Variants in NOX4 observed in about 807,000 individuals in gnomAD.
NOX4 encodes the protein NADPH oxidase 4.
Under a neutral mutation model 87.6 loss-of-function variants are expected in NOX4, and 69 were observed. That is an observed-to-expected ratio of 0.79 (90% CI 0.65 to 0.96). The LOEUF (loss-of-function observed/expected upper bound fraction) is 0.96, where lower values mean the gene tolerates loss of function less well. Among genes scored for constraint, NOX4 ranks in the 40% least tolerant of loss-of-function variants. The pLI, the probability that NOX4 is intolerant of heterozygous loss-of-function variation, is 0.00. For missense variants in NOX4, 680 were observed against 681.5 expected, an observed-to-expected ratio of 1.00 and a Z score of 0.02; for synonymous variants, 275 against 238.2, an observed-to-expected ratio of 1.15 and a Z score of -1.42.
chr11:89,489,280 C>T (rs759443741), intron 2 of NOX4, among the ~76,000 whole-genome samples: 12 of 151,598 alleles, frequency 7.9e-5, no homozygotes, highest in Admixed American at 2.0e-4. Flanking sequence ...TGTCTGAGCT[C>T]GTCTTAATTT....
the NOX4 span, among the ~76,000 whole-genome samples, chr11:89,585,098 CATT>C: frequency 1.3e-5 from 2 of 152,120 alleles, no homozygotes; most frequent in African/African-American, 2.4e-5. Context: ...TCACCTGAGG[CATT>C]AGCTTACACC....
chr11:89,584,101 C>T, the NOX4 span, among the ~76,000 whole-genome samples: 3 of 152,106 alleles, frequency 2.0e-5, no homozygotes, highest in African/African-American at 7.2e-5. Context: ...AATTCCTACT[C>T]ATTCTTCTTA....
chr11:89,490,228 C>T (rs1946796400), intron 2 of NOX4, among the ~76,000 whole-genome samples: 1 of 152,182 alleles, frequency 6.6e-6, no homozygotes, highest in Non-Finnish European at 1.5e-5. Context: ...CTGGCAGGTT[C>T]ATTCGTTTCA....
At chr11:89,369,135 A>C (rs1011974449) in intron 12 of NOX4, among the ~76,000 whole-genome samples, 1 of 152,078 alleles carries the variant, frequency 6.6e-6, no homozygotes, top group Non-Finnish European at 1.5e-5. Flanking sequence ...AACCTTGTGT[A>C]ACAGTGCAGA....
At chr11:89,525,337 G>A in the NOX4 span, among the ~76,000 whole-genome samples, 1 of 151,984 alleles carries the variant, frequency 6.6e-6, no homozygotes, top group Non-Finnish European at 1.5e-5. Context: ...AATTTCAGGA[G>A]TAGTGAATAA....
the NOX4 span, among the ~76,000 whole-genome samples, chr11:89,552,059 G>A: frequency 1.8e-3 from 277 of 152,098 alleles, 2 homozygotes; most frequent in African/African-American, 6.2e-3. Context: ...CATGAGTAAC[G>A]CATTCTACTT....
At chr11:89,347,334 T>C (rs1946259453) in intron 13 of NOX4, among the ~76,000 whole-genome samples, 1 of 152,184 alleles carries the variant, frequency 6.6e-6, no homozygotes, top group African/African-American at 2.4e-5. Flanking sequence ...GCAGCCCACA[T>C]GGCAGAGCCT....
chr11:89,571,700 A>T, the NOX4 span, among the ~76,000 whole-genome samples: 4 of 151,946 alleles, frequency 2.6e-5, no homozygotes, highest in Non-Finnish European at 5.9e-5. Context: ...TGAAAAAAAA[A>T]AAAATAAACC....
intron 12 of NOX4, among the ~76,000 whole-genome samples, chr11:89,368,437 G>A (rs553403204): frequency 6.6e-6 from 1 of 152,130 alleles, no homozygotes; most frequent in East Asian, 1.9e-4. Context: ...CAAGATCAAG[G>A]CACCAGCAGC....
rs144113376 is a variant in NOX4, at chr11:89,373,277, CAAA to C, written c.1135+152_1135+154del. ...AACACAGATGTCAAAACTGTACAAG[CAAA>C]AAAAAAAAAAAAAAAAAACAAAAAA... On this transcript the variant is annotated intron_variant, in intron 12 of 17. Coordinates refer to ENST00000263317, the MANE Select transcript of NOX4 (RefSeq NM_016931.5). Among the ~76,000 whole-genome samples the C allele has an allele frequency of 8.8e-3, 523 of 59,118 alleles. 2 individuals carry two copies. Among genetic ancestry groups the C allele is most frequent in the African/African-American group, 0.026 (499 of 19,356 alleles). 38.8% of individuals were successfully genotyped at this position (59,118 alleles called of 152,430 possible). A position where few individuals can be genotyped will look rare whatever the true frequency, so the allele number is the denominator to read the frequency against.
At chr11:89,531,634 A>G in the NOX4 span, among the ~76,000 whole-genome samples, 2 of 152,114 alleles carry the variant, frequency 1.3e-5, no homozygotes, top group Admixed American at 6.5e-5. Flanking sequence ...TGAGTTCTCA[A>G]GAGATCTGAT....
chr11:89,326,934 A>T (rs1308326461), intron 17 of NOX4, 58 bp from the exon 18 acceptor site: 1 of 1,558,664 alleles, frequency 6.4e-7, no homozygotes, highest in Non-Finnish European at 8.8e-7. Context: ...GAACATGACA[A>T]GAAGTATGCT....
chr11:89,538,447 A>T, the NOX4 span, among the ~76,000 whole-genome samples: 1 of 152,226 alleles, frequency 6.6e-6, no homozygotes, highest in African/African-American at 2.4e-5. Context: ...ATCTGGTAAC[A>T]CTGATATAAA....
chr11:89,509,378 T>G, the NOX4 span, among the ~76,000 whole-genome samples: 16 of 152,050 alleles, frequency 1.1e-4, no homozygotes, highest in Non-Finnish European at 5.9e-5. Context: ...CTCCCTGTCC[T>G]GCCCAGCTCT....
chr11:89,442,336 AT>A (rs1200346252), intron 5 of NOX4, among the ~76,000 whole-genome samples: 2 of 152,058 alleles, frequency 1.3e-5, no homozygotes, highest in African/African-American at 2.4e-5. Flanking sequence ...TTAAAAAGGA[AT>A]TTGGCACTGT....
At chr11:89,505,682 A>C in the NOX4 span, among the ~76,000 whole-genome samples, 1 of 151,930 alleles carries the variant, frequency 6.6e-6, no homozygotes, top group Non-Finnish European at 1.5e-5. Flanking sequence ...AGGAGAAAAC[A>C]GGAATCTTAG....
In NOX4 at chr11:89,440,672, A is replaced by G. The variant is rs1051080814; in HGVS notation, c.475+16T>C. The G allele has an allele frequency of 1.3e-6, 2 of 1,532,732 alleles. No individual in the cohort carries two copies. The highest frequency in any genetic ancestry group is 1.8e-6 in the Non-Finnish European group (2 of 1,123,626). 94.9% of individuals were successfully genotyped at this position (1,532,732 alleles called of 1,614,324 possible). ...TGTTCCTAAACCTAAAGAAAAGGCTAAGAATAACAACTTACCAGTTGTGAA... is the reference window on the plus strand; with the variant it reads ...TGTTCCTAAACCTAAAGAAAAGGCTGAGAATAACAACTTACCAGTTGTGAA... On this transcript the variant is annotated intron_variant, in intron 6 of 17. Coordinates refer to ENST00000263317, the MANE Select transcript of NOX4 (RefSeq NM_016931.5).
At chr11:89,564,228 A>T in the NOX4 span, among the ~76,000 whole-genome samples, 1 of 152,306 alleles carries the variant, frequency 6.6e-6, no homozygotes, top group East Asian at 1.9e-4. Context: ...TATAAAGAAA[A>T]GGGGTTTGAT....
At chr11:89,401,867 A>G (rs1293239176) in intron 9 of NOX4, among the ~76,000 whole-genome samples, 1 of 152,148 alleles carries the variant, frequency 6.6e-6, no homozygotes, top group African/African-American at 2.4e-5. Context: ...CATACAGGAC[A>G]TTTTAGCACA....
Sources: allele counts gnomAD v4.1 joint callset (sites outside exome capture counted in the v4.1 genomes callset), GRCh38; gene constraint gnomAD v4.1.1; transcripts MANE v1.5; gene names NCBI Gene and HGNC (gene_info 2026-07-23, HGNC 2026-07-21).